Variants in EPHA3 observed in about 807,000 individuals in gnomAD.
EPHA3 encodes ephrin type-A receptor 3.
EPHA3 carries 42 observed loss-of-function variants against 107.1 expected under a neutral mutation model. That is an observed-to-expected ratio of 0.39 (90% CI 0.31 to 0.51). EPHA3 has a LOEUF of 0.51. EPHA3 is among the 20% of genes least tolerant of loss of function. EPHA3 has a pLI of 0.78. For missense variants in EPHA3, 1,183 were observed against 1,211.2 expected (o/e 0.98, Z 0.35); for synonymous variants, 461 against 424.8 (o/e 1.09, Z -1.05).
intron 3 of EPHA3, among the ~76,000 whole-genome samples, chr3:89,315,635 A>G (rs1167551277): frequency 6.6e-6 from 1 of 151,382 alleles, no homozygotes; most frequent in African/African-American, 2.4e-5. Context: ...AAAAAAAAGC[A>G]ATCTTGTCCA....
At chr3:89,437,411 G>C (rs1009125709) in intron 13 of EPHA3, among the ~76,000 whole-genome samples, 6 of 151,650 alleles carry the variant, frequency 4.0e-5, no homozygotes, top group African/African-American at 1.5e-4. Context: ...AATCATCAAA[G>C]AAGTTTTGTG....
intron 2 of EPHA3, among the ~76,000 whole-genome samples, chr3:89,182,658 G>A (rs768026985): frequency 1.3e-5 from 2 of 151,870 alleles, no homozygotes; most frequent in Non-Finnish European, 2.9e-5. Flanking sequence ...GGTAATTTGT[G>A]TGGTGCGTGC....
chr3:89,446,094 A>G (rs1576382500), intron 13 of EPHA3, among the ~76,000 whole-genome samples: 1 of 152,192 alleles, frequency 6.6e-6, no homozygotes, highest in Non-Finnish European at 1.5e-5. Flanking sequence ...CCAAACATGC[A>G]TCCCATTTGT....
chr3:89,365,970 A>G lies in EPHA3; in HGVS notation c.1306+23880A>G, dbSNP rs551700061. Among the ~76,000 whole-genome samples, 256 of 150,840 alleles carry G rather than the reference A, an allele frequency of 1.7e-3. 4 individuals are homozygous for G. The highest frequency in any genetic ancestry group is 5.5e-3 in the African/African-American group (229 of 41,380). On this transcript the variant is annotated intron_variant, in intron 5 of 16. Transcript: ENST00000336596. ...ATGCTTCTTGATTTTTGTGTAGAAA[A>G]GTGACACAATCAGGCCTATGACTTA... is the stretch of plus-strand genomic sequence containing the variant.
Position 89,429,101 on chromosome 3 carries a change from T to A in EPHA3, c.2075-5T>A. 1 of 1,596,160 alleles carries A rather than the reference T, an allele frequency of 6.3e-7. No homozygotes were observed. The highest frequency in any genetic ancestry group is 8.6e-7 in the Non-Finnish European group (1 of 1,164,544). ...ATTATTATTTATTATTTACTGTATA[T>A]CTAGGTAAGCCAGTTATGATTGTCA... On this transcript the variant is annotated splice_region_variant and splice_polypyrimidine_tract_variant and intron_variant, in intron 11 of 16. Coordinates refer to ENST00000336596, the MANE Select transcript of EPHA3 (RefSeq NM_005233.6).
At chr3:89,245,610 C>A (rs1434321852) in intron 3 of EPHA3, among the ~76,000 whole-genome samples, 1 of 152,208 alleles carries the variant, frequency 6.6e-6, no homozygotes, top group African/African-American at 2.4e-5. Context: ...ATCTGTTGGA[C>A]TCCCATCATT....
At chr3:89,356,460 AGT>A in intron 5 of EPHA3, among the ~76,000 whole-genome samples, 1 of 151,298 alleles carries the variant, frequency 6.6e-6, no homozygotes, top group African/African-American at 2.4e-5. Flanking sequence ...ACAGTGTAAA[AGT>A]GTTCCTATTT....
intron 3 of EPHA3, among the ~76,000 whole-genome samples, chr3:89,216,988 T>C (rs1465159318): frequency 6.6e-6 from 1 of 152,158 alleles, no homozygotes; most frequent in Non-Finnish European, 1.5e-5. Context: ...ATACTGGTAA[T>C]AGTTTCACAA....
chr3:89,199,032 G>T (rs2107155989), intron 2 of EPHA3, among the ~76,000 whole-genome samples: 1 of 152,200 alleles, frequency 6.6e-6, no homozygotes. Flanking sequence ...ATCTTTCCAA[G>T]AATTGGAAAC....
chr3:89,285,224 C>G (rs1269009977), intron 3 of EPHA3, among the ~76,000 whole-genome samples: 1 of 152,182 alleles, frequency 6.6e-6, no homozygotes, highest in Non-Finnish European at 1.5e-5. Context: ...CTAGAATAGT[C>G]TGTGCCTCAA....
chr3:89,278,513 A>T (rs1291512660), intron 3 of EPHA3, among the ~76,000 whole-genome samples: 2 of 152,198 alleles, frequency 1.3e-5, no homozygotes, highest in African/African-American at 2.4e-5. Context: ...ATGGAATGCC[A>T]TGTGTACTCC....
chr3:89,386,968 G>A (rs2107492893), intron 5 of EPHA3, among the ~76,000 whole-genome samples: 1 of 152,292 alleles, frequency 6.6e-6, no homozygotes, highest in African/African-American at 2.4e-5. Flanking sequence ...TTAGCCAATG[G>A]CCGTACCCTC....
chr3:89,342,374 G>A (rs1315875536), intron 5 of EPHA3, among the ~76,000 whole-genome samples: 2 of 151,874 alleles, frequency 1.3e-5, no homozygotes, highest in Non-Finnish European at 2.9e-5. Flanking sequence ...GGGCTCCTTG[G>A]GGGAAACATT....
At chr3:89,471,176 G>GAA (rs529961766) in intron 15 of EPHA3, among the ~76,000 whole-genome samples, 30 of 144,202 alleles carry the variant, frequency 2.1e-4, no homozygotes, top group East Asian at 6.1e-4. Context: ...AAGAGCTGAA[G>GAA]AAAAAAAAAA....
intron 3 of EPHA3, among the ~76,000 whole-genome samples, chr3:89,318,235 AT>A (rs1706957133): frequency 6.6e-6 from 1 of 151,912 alleles, no homozygotes; most frequent in South Asian, 2.1e-4. Flanking sequence ...AGAAAGCCAT[AT>A]TGTTGATGAA....
chr3:89,399,282 T>G lies in EPHA3; in HGVS notation c.1432-36T>G, dbSNP rs760917908. On this transcript the variant is annotated intron_variant, in intron 6 of 16. Transcript: ENST00000336596. ...ATCATTTTATAGCATTATGAAGATTTGATTTTAACATGAATTTTTTTTTCT... is the reference window on the plus strand; with the variant it reads ...ATCATTTTATAGCATTATGAAGATTGGATTTTAACATGAATTTTTTTTTCT... The G allele has an allele frequency of 9.5e-6, 15 of 1,573,938 alleles. No individual in the cohort carries two copies. In the East Asian group the frequency reaches 3.4e-4, roughly 36 times the overall value.
In EPHA3 at chr3:89,107,820, G is replaced by C. The variant is rs200437524; in HGVS notation, c.72G>C (p.Pro24=). 1 of 1,614,056 alleles carries C rather than the reference G, an allele frequency of 6.2e-7. No homozygotes were observed. Among genetic ancestry groups the C allele is most frequent in the African/African-American group, 1.3e-5 (1 of 75,042 alleles). Reference sequence around the variant, plus strand: ...TCGACAGCTTCGGGGAACTGATTCCGCAGCCTTCCAATGAAGGTAAGCCAG... The same window carrying C: ...TCGACAGCTTCGGGGAACTGATTCCCCAGCCTTCCAATGAAGGTAAGCCAG... ...SVLDSFGELI[P]QPSNEVNLLD... Residue 24 remains proline (P), a synonymous_variant, in exon 1 of 17, where the codon CCG becomes CCC. Transcript: ENST00000336596.
intron 1 of EPHA3, among the ~76,000 whole-genome samples, chr3:89,118,295 G>GT (rs1040429737): frequency 7.9e-5 from 12 of 151,562 alleles, no homozygotes; most frequent in Middle Eastern, 3.2e-3. Context: ...CTTAACAATG[G>GT]TTTTTTTCTA....
intron 3 of EPHA3, among the ~76,000 whole-genome samples, chr3:89,263,447 A>G (rs1705468503): frequency 6.6e-6 from 1 of 152,156 alleles, no homozygotes; most frequent in African/African-American, 2.4e-5. Context: ...ATGAAAAATG[A>G]GGTTGCACGA....
Sources: allele counts gnomAD v4.1 joint callset (sites outside exome capture counted in the v4.1 genomes callset), GRCh38; gene constraint gnomAD v4.1.1; transcripts MANE v1.5; gene names NCBI Gene and HGNC (gene_info 2026-07-23, HGNC 2026-07-21).